Variants in FCHO2 observed in about 807,000 individuals in gnomAD.
FCHO2 encodes the protein FCH and mu domain containing endocytic adaptor 2.
Under a neutral mutation model 114.1 loss-of-function variants are expected in FCHO2, and 43 were observed. The observed-to-expected ratio is 0.38, with a 90% CI of 0.30 to 0.49. The LOEUF is 0.49. Ranked by LOEUF, FCHO2 falls within the 20% of genes least tolerant of loss-of-function variation. The pLI is 0.97. For missense variants in FCHO2, 807 were observed against 950.4 expected (o/e 0.85, Z 1.98); for synonymous variants, 293 against 315.2 (o/e 0.93, Z 0.75).
At chr5:73,055,049 C>T (rs1757526134) in intron 15 of FCHO2, 2 of 368,662 alleles carry the variant, frequency 5.4e-6, no homozygotes, top group African/African-American at 4.2e-5. Context: ...CACTCAAAAG[C>T]TATGTAATTT....
intron 8 of FCHO2, among the ~76,000 whole-genome samples, chr5:73,030,814 C>T (rs531395785): frequency 6.6e-6 from 1 of 152,274 alleles, no homozygotes; most frequent in African/African-American, 2.4e-5. Context: ...AGGAGTCTCT[C>T]ATGAGGTTTG....
Position 73,087,627 on chromosome 5 carries a change from G to C in FCHO2, c.2284G>C (p.Gly762Arg). 6.2e-7 allele frequency: 1 copy of C among 1,613,846 alleles called. No individual in the cohort carries two copies. The highest frequency in any genetic ancestry group is 2.2e-5 in the East Asian group (1 of 44,866). The change falls in exon 25 of 26, where the codon GGA becomes CGA. Residue 762 changes from glycine (G) to arginine (R), a missense_variant. Gly to Arg is a moderately radical substitution (Grantham distance 125). Coordinates refer to ENST00000430046, the MANE Select transcript of FCHO2 (RefSeq NM_138782.3). Reference protein sequence around the residue: ...SLRAKFDLSEGPSKPTTLAVQ... With the variant: ...SLRAKFDLSERPSKPTTLAVQ... The stretch of plus-strand genomic sequence containing the variant: ...CCGAGCAAAATTTGATCTTTCAGAA[G>C]GACCTAGTAAACCCACGACACTTGC...
intron 23 of FCHO2, among the ~76,000 whole-genome samples, chr5:73,082,219 T>C (rs913072121): frequency 1.3e-5 from 2 of 151,096 alleles, no homozygotes; most frequent in Non-Finnish European, 2.9e-5. Flanking sequence ...GATTCCATAC[T>C]AACTTTACCA....
intron 2 of FCHO2, among the ~76,000 whole-genome samples, chr5:72,975,016 A>G (rs947538650): frequency 2.0e-5 from 3 of 152,288 alleles, no homozygotes; most frequent in Admixed American, 6.5e-5. Context: ...TTCTTTAAGA[A>G]TGTTGAATAT....
At chr5:72,961,953 AG>A (rs1751899361) in intron 1 of FCHO2, among the ~76,000 whole-genome samples, 1 of 152,152 alleles carries the variant, frequency 6.6e-6, no homozygotes, top group Admixed American at 6.6e-5. Flanking sequence ...ACACTCCACT[AG>A]GTTAAAATTA....
At chr5:72,975,219 G>T (rs1484867370) in intron 2 of FCHO2, among the ~76,000 whole-genome samples, 1 of 152,016 alleles carries the variant, frequency 6.6e-6, no homozygotes, top group East Asian at 1.9e-4. Context: ...AACAGTATTT[G>T]TTTGTATCCC....
At chr5:72,966,352 T>C (rs536115118) in intron 1 of FCHO2, among the ~76,000 whole-genome samples, 11 of 152,338 alleles carry the variant, frequency 7.2e-5, no homozygotes, top group African/African-American at 2.4e-4. Flanking sequence ...AGGTTCTCAC[T>C]TTGGCCAGGC....
At chr5:72,973,014 G>T (rs1475352236) in intron 2 of FCHO2, among the ~76,000 whole-genome samples, 1 of 152,074 alleles carries the variant, frequency 6.6e-6, no homozygotes, top group Non-Finnish European at 1.5e-5. Context: ...TTATTGATTT[G>T]CGTATATTGA....
At chr5:73,040,982 A>C (rs888107504) in intron 10 of FCHO2, among the ~76,000 whole-genome samples, 3 of 152,146 alleles carry the variant, frequency 2.0e-5, no homozygotes, top group African/African-American at 7.2e-5. Flanking sequence ...ATTCATGGAA[A>C]AGAATTATTT....
chr5:73,079,407 C>A (rs1032172419), intron 22 of FCHO2, among the ~76,000 whole-genome samples: 5 of 152,006 alleles, frequency 3.3e-5, no homozygotes, highest in African/African-American at 1.2e-4. Flanking sequence ...AGAAATAGAT[C>A]TAAGAATAAA....
chr5:72,991,394 C>A (rs1753804008), intron 5 of FCHO2, among the ~76,000 whole-genome samples: 2 of 152,158 alleles, frequency 1.3e-5, no homozygotes, highest in South Asian at 4.1e-4. Context: ...ATGTCAGTGA[C>A]ACATTTTCAG....
intron 8 of FCHO2, among the ~76,000 whole-genome samples, chr5:73,031,018 GGTTCAAAAAGAGCATCTA>G (rs2112785743): frequency 6.6e-6 from 1 of 152,276 alleles, no homozygotes; most frequent in South Asian, 2.1e-4. Context: ...ATACAACCTA[GGTTCAAAAAGAGCATCTA>G]GTTCAAAAAG....
chr5:73,086,816 A>G lies in FCHO2; in HGVS notation c.2246-773A>G, dbSNP rs1743328225. Among the ~76,000 whole-genome samples the G allele has an allele frequency of 2.0e-5, 3 of 151,906 alleles. No individual in the cohort carries two copies. In the South Asian group the frequency reaches 6.2e-4, roughly 32 times the overall value. ...CTAGTCTCATCTGCCACTCCCCTCT[A>G]CCTGTATCCTGTTCTCCTGCTAATC... On this transcript the variant is annotated intron_variant, in intron 24 of 25. Coordinates refer to ENST00000430046, the MANE Select transcript of FCHO2 (RefSeq NM_138782.3).
chr5:72,968,457 A>G (rs545595987), intron 1 of FCHO2, 41 bp from the exon 2 acceptor site: 42 of 1,348,790 alleles, frequency 3.1e-5, no homozygotes, highest in Non-Finnish European at 3.9e-5. Flanking sequence ...AGTCATTTTT[A>G]TCTGTTTTTT....
At chr5:72,996,223 A>G (rs1340386329) in intron 5 of FCHO2, among the ~76,000 whole-genome samples, 1 of 146,716 alleles carries the variant, frequency 6.8e-6, no homozygotes, top group African/African-American at 2.5e-5. Context: ...AGCCTGGGCA[A>G]CAAGAACGAA....
At position 73,087,615 on chromosome 5, in the gene FCHO2, G is replaced by A; in HGVS notation, c.2272G>A (p.Asp758Asn). The stretch of plus-strand genomic sequence containing the variant: ...TTCTGGGTCCCTCCGAGCAAAATTT[G>A]ATCTTTCAGAAGGACCTAGTAAACC... ...GGSGSLRAKFDLSEGPSKPTT... is the reference protein window; with the variant it reads ...GGSGSLRAKFNLSEGPSKPTT... Residue 758 changes from aspartate (D) to asparagine (N), a missense_variant, in exon 25 of 26, where the codon GAT (aspartate) becomes AAT (asparagine). Coordinates refer to ENST00000430046, the MANE Select transcript of FCHO2 (RefSeq NM_138782.3). The A allele has an allele frequency of 6.2e-7, 1 of 1,613,760 alleles. No homozygotes were observed.
chr5:72,961,611 TG>T (rs1579994816), intron 1 of FCHO2, among the ~76,000 whole-genome samples: 1 of 152,050 alleles, frequency 6.6e-6, no homozygotes, highest in African/African-American at 2.4e-5. Context: ...TTTTTTTTTT[TG>T]AGACGGAGTT....
At chr5:73,074,656 ACAGCC>A in intron 19 of FCHO2, 81 bp from the exon 20 acceptor site, 1 of 1,245,296 alleles carries the variant, frequency 8.0e-7, no homozygotes, top group Non-Finnish European at 1.1e-6. Flanking sequence ...GTCGTTTGTG[ACAGCC>A]TAACAATGTG....
intron 5 of FCHO2, among the ~76,000 whole-genome samples, chr5:72,993,780 T>A (rs150671589): frequency 2.7e-4 from 41 of 152,326 alleles, no homozygotes; most frequent in African/African-American, 9.6e-4. Flanking sequence ...GAAAATCTTT[T>A]AGTGATACCT....
Sources: gnomAD v4.1 joint callset for allele counts (sites outside exome capture counted in the v4.1 genomes callset) on GRCh38, gnomAD v4.1.1 for gene constraint, MANE v1.5 for transcripts, NCBI Gene and HGNC (gene_info 2026-07-23, HGNC 2026-07-21) for gene names.